NOMO3: variants seen among roughly 807,000 people sequenced by gnomAD.
NOMO3 encodes the protein NODAL modulator 3.
A neutral mutation model predicts 69.9 loss-of-function variants in NOMO3; 15 were observed. The observed-to-expected ratio is 0.21, with a 90% CI of 0.14 to 0.33. NOMO3 has a LOEUF of 0.33. NOMO3 is among the 10% of genes least tolerant of loss of function. The probability of loss-of-function intolerance (pLI) is 1.00; values close to 1 mark genes in which losing one functional copy is unlikely to be tolerated. For synonymous variants in NOMO3, 89 were observed against 301.9 expected, an observed-to-expected ratio of 0.29 and a Z score of 7.31; for missense variants, 218 against 761.0, an observed-to-expected ratio of 0.29 and a Z score of 8.39.
intron 1 of NOMO3, among the ~76,000 whole-genome samples, chr16:16,233,475 G>A (rs913274514): frequency 2.6e-5 from 3 of 113,540 alleles, no homozygotes; most frequent in African/African-American, 1.1e-4. Context: ...GTAGTTAATG[G>A]AATTACCCTA....
chr16:16,261,725 T>C, intron 12 of NOMO3, 49 bp downstream of exon 12: 2 of 1,483,424 alleles, frequency 1.3e-6, no homozygotes, highest in Non-Finnish European at 1.8e-6. Context: ...AAAGCAGTGA[T>C]TTTTAGAAGG....
Position 16,262,807 on chromosome 16 carries a change from G to A in NOMO3, c.1396-267G>A, listed in dbSNP as rs2856557. Among the ~76,000 whole-genome samples the A allele has an allele frequency of 1.1e-3, 151 of 139,208 alleles. 3 individuals carry two copies. Among genetic ancestry groups the A allele is most frequent in the South Asian group, 6.3e-3 (28 of 4,418 alleles). The allele number at this position is 139,208 out of a possible 152,430, so 91.3% of individuals were successfully genotyped here. ...TAGTATGTAAGTGAGGCGTGTCCGC[G>A]TTGCGGGCCTGTGGGGAATTAGGCC... On this transcript the variant is annotated intron_variant, in intron 12 of 30. Coordinates refer to ENST00000399336, the MANE Select transcript of NOMO3 (RefSeq NM_001004067.4).
intron 11 of NOMO3, among the ~76,000 whole-genome samples, chr16:16,259,443 G>T (rs2049545851): frequency 7.2e-6 from 1 of 139,174 alleles, no homozygotes; most frequent in Non-Finnish European, 1.5e-5. Flanking sequence ...CCGCCTCTCG[G>T]GTTCAAGTGA....
chr16:16,244,275 G>T lies in NOMO3; in HGVS notation c.403-793G>T, dbSNP rs1400586961. ...CTTGGGTAGTTTTTTCTTTATCGAT[G>T]GTTTGCAAAATAATGGTGAACCTTT... On this transcript the variant is annotated intron_variant, in intron 4 of 30. Coordinates refer to ENST00000399336, the MANE Select transcript of NOMO3 (RefSeq NM_001004067.4). Among the ~76,000 whole-genome samples, 2 of 140,364 alleles carry T rather than the reference G, an allele frequency of 1.4e-5. 1 individual carries two copies. Among genetic ancestry groups the T allele is most frequent in the East Asian group, 4.7e-4 (2 of 4,294 alleles). The allele number at this position is 140,364 out of a possible 152,430, so 92.1% of individuals were successfully genotyped here.
chr16:16,254,387 T>C (rs1423085338), intron 9 of NOMO3, among the ~76,000 whole-genome samples: 2 of 142,580 alleles, frequency 1.4e-5, no homozygotes, highest in Non-Finnish European at 3.0e-5. Context: ...AATTAATAAG[T>C]AGGTAATGCA....
intron 9 of NOMO3, among the ~76,000 whole-genome samples, chr16:16,254,581 ACATT>A (rs758046899): frequency 2.1e-5 from 3 of 142,640 alleles, no homozygotes; most frequent in Admixed American, 1.4e-4. Context: ...GTGCGTGCAC[ACATT>A]CATTCATTCA....
In NOMO3 at chr16:16,265,155, T is replaced by C. The variant is rs750885290; in HGVS notation, c.1782T>C (p.Cys594=). The change falls in exon 15 of 31, where the codon TGT becomes TGC. Residue 594 remains cysteine (C), a synonymous_variant. Coordinates refer to ENST00000399336, the MANE Select transcript of NOMO3 (RefSeq NM_001004067.4). ...GGCAGACGGGCTACATGCTGAGATG[T>C]TCCCTGTCTCACGCCATCACTCTGG... ...EFRQTGYMLR[C]SLSHAITLEF... The C allele has an allele frequency of 1.8e-5, 29 of 1,586,206 alleles. 6 individuals are homozygous for C. In the South Asian group the frequency reaches 3.1e-4, roughly 17 times the overall value.
In NOMO3 at chr16:16,249,713, A is replaced by T. The variant is rs2049446978; in HGVS notation, c.583-1215A>T. Reference sequence around the variant, plus strand: ...CTGAGTTTATTAATATGAGATTGGGATTTTCAAGTAAAGCATGTTGTTAGA... The same window carrying T: ...CTGAGTTTATTAATATGAGATTGGGTTTTTCAAGTAAAGCATGTTGTTAGA... On this transcript the variant is annotated intron_variant, in intron 6 of 30. Coordinates refer to ENST00000399336, the MANE Select transcript of NOMO3 (RefSeq NM_001004067.4). Among the ~76,000 whole-genome samples, 6 of 143,834 alleles carry T rather than the reference A, an allele frequency of 4.2e-5. No individual in the cohort carries two copies. The South Asian group carries it at 1.4e-3, about 33-fold the overall frequency. The allele number at this position is 143,834 out of a possible 152,430, so 94.4% of individuals were successfully genotyped here.
chr16:16,261,429 T>G lies in NOMO3; in HGVS notation c.1221-73T>G, dbSNP rs553105665. 1,462 of 1,531,304 alleles carry G rather than the reference T, an allele frequency of 9.5e-4. 238 individuals are homozygous for G. The African/African-American group carries it at 0.019, about 20-fold the overall frequency. 94.9% of individuals were successfully genotyped at this position (1,531,304 alleles called of 1,614,324 possible). A position where few individuals can be genotyped will look rare whatever the true frequency, so the allele number is the denominator to read the frequency against. On this transcript the variant is annotated intron_variant, in intron 11 of 30. Coordinates refer to ENST00000399336, the MANE Select transcript of NOMO3 (RefSeq NM_001004067.4). ...ACAAGGGCTGGGAGAGGGCTGCATC[T>G]TTTTTGGTCGATAAGAGCCTTTCCT...
intron 5 of NOMO3, among the ~76,000 whole-genome samples, chr16:16,245,454 C>T (rs1277211095): frequency 6.9e-6 from 1 of 144,212 alleles, no homozygotes; most frequent in East Asian, 2.2e-4. Context: ...TTTGGGAGGC[C>T]AGTATGGGAG....
intron 6 of NOMO3, among the ~76,000 whole-genome samples, chr16:16,249,397 T>A (rs1204901034): frequency 1.4e-5 from 2 of 143,010 alleles, no homozygotes; most frequent in South Asian, 2.2e-4. Context: ...CTGGCCAACA[T>A]GGTGAAACCG....
chr16:16,258,872 A>AC (rs2049541109), intron 11 of NOMO3, among the ~76,000 whole-genome samples: 1 of 143,336 alleles, frequency 7.0e-6, no homozygotes, highest in African/African-American at 2.9e-5. Context: ...CTCAAAAAAA[A>AC]AAAAAAGAGT....
rs1288882226 is a variant in NOMO3 at position 16,236,993 on chromosome 16, A to G, written c.255+3A>G. The G allele has an allele frequency of 1.3e-6, 2 of 1,573,648 alleles. No homozygotes were observed. Among genetic ancestry groups the G allele is most frequent in the Non-Finnish European group, 1.7e-6 (2 of 1,162,462 alleles). Reference sequence around the variant, plus strand: ...TTATGATCCCTTTGTATGATAAGGTAAGAGGGGACTGCTTGTCACTTATGA... The same window carrying G: ...TTATGATCCCTTTGTATGATAAGGTGAGAGGGGACTGCTTGTCACTTATGA... On this transcript the variant is annotated splice_donor_region_variant and intron_variant, in intron 2 of 30. Transcript: ENST00000399336.
In NOMO3 at chr16:16,232,553, T is replaced by G. The variant is rs1017780238; in HGVS notation, c.-114T>G. ...GCGCGGCGGCGGCTGGCGGCGGCGG[T>G]GGGGCGGGGCCTGGGCTGTCAGCCG... On this transcript the variant is annotated 5_prime_UTR_variant, in exon 1 of 31. Coordinates refer to ENST00000399336, the MANE Select transcript of NOMO3 (RefSeq NM_001004067.4). The G allele has an allele frequency of 1.7e-6, 2 of 1,202,794 alleles. No homozygotes were observed. Among genetic ancestry groups the G allele is most frequent in the African/African-American group, 3.2e-5 (2 of 62,610 alleles). 74.5% of individuals were successfully genotyped at this position (1,202,794 alleles called of 1,614,324 possible).
chr16:16,274,306 A>G (rs1596818482), intron 20 of NOMO3, among the ~76,000 whole-genome samples: 2 of 126,470 alleles, frequency 1.6e-5, no homozygotes, highest in Non-Finnish European at 3.3e-5. Flanking sequence ...TGGATGAATG[A>G]ATGATTTAGA....
At chr16:16,272,811 G>C (rs1223805186) in intron 18 of NOMO3, among the ~76,000 whole-genome samples, 1 of 152,238 alleles carries the variant, frequency 6.6e-6, no homozygotes, top group East Asian at 1.9e-4. Context: ...TTCCGCCATT[G>C]CTTTGTGTAT....
At chr16:16,265,984 TG>T (rs1409791883) in intron 15 of NOMO3, among the ~76,000 whole-genome samples, 3 of 145,766 alleles carry the variant, frequency 2.1e-5, no homozygotes, top group African/African-American at 5.5e-5. Context: ...CGTGAGCCAT[TG>T]TGCCCCACCT....
At position 16,255,753 on chromosome 16, in the gene NOMO3, G is replaced by C. The variant is rs376970177; in HGVS notation, c.997G>C (p.Gly333Arg). Reference protein sequence around the residue: ...VFHVMGFSVTGRVLNGPEGDG... With the variant: ...VFHVMGFSVTRRVLNGPEGDG... ...CCACGTCATGGGATTCTCCGTCACC[G>C]GGAGGGTCTTGAACGGACCCGAAGG... Residue 333 changes from glycine (G) to arginine (R), a missense_variant, in exon 10 of 31, where the codon GGG (glycine) becomes CGG (arginine). By Grantham distance (125) the Gly-to-Arg change is moderately radical. Coordinates refer to ENST00000399336, the MANE Select transcript of NOMO3 (RefSeq NM_001004067.4). 1 of 1,586,032 alleles carries C rather than the reference G, an allele frequency of 6.3e-7. No individual in the cohort carries two copies. Among genetic ancestry groups the C allele is most frequent in the African/African-American group, 1.6e-5 (1 of 61,168 alleles).
At chr16:16,241,699 C>T (rs1305476158) in intron 3 of NOMO3, among the ~76,000 whole-genome samples, 5 of 119,784 alleles carry the variant, frequency 4.2e-5, no homozygotes, top group African/African-American at 7.8e-5. Context: ...AGAGCCACCA[C>T]GCCTGGCCTA....
Sources: gnomAD v4.1 joint callset for allele counts (sites outside exome capture counted in the v4.1 genomes callset) on GRCh38, gnomAD v4.1.1 for gene constraint, MANE v1.5 for transcripts, NCBI Gene and HGNC (gene_info 2026-07-23, HGNC 2026-07-21) for gene names.